MALRD1: variants seen among roughly 807,000 people sequenced by gnomAD.
MALRD1 encodes MAM and LDL receptor class A domain containing 1, also known as MAM and LDL-receptor class A domain-containing protein 1.
A neutral mutation model predicts 242.1 loss-of-function variants in MALRD1; 247 were observed. That is an observed-to-expected ratio of 1.02 (90% CI 0.92 to 1.13). MALRD1 has a LOEUF of 1.13. MALRD1 is among the 50% of genes most tolerant of loss of function. MALRD1 has a pLI of 0.00. For synonymous variants in MALRD1, 995 were observed against 866.6 expected (o/e 1.15, Z -2.60); for missense variants, 2,989 against 2,533.1 (o/e 1.18, Z -3.86).
chr10:19,594,282 T>C (rs181498465), intron 33 of MALRD1, among the ~76,000 whole-genome samples: 5 of 152,344 alleles, frequency 3.3e-5, no homozygotes, highest in Admixed American at 2.0e-4. Flanking sequence ...TCAATGATGC[T>C]TTTTAAGAAA....
chr10:19,574,998 G>C (rs1209973766), intron 33 of MALRD1, among the ~76,000 whole-genome samples: 1 of 152,218 alleles, frequency 6.6e-6, no homozygotes, highest in East Asian at 1.9e-4. Context: ...CCTTGAGTTG[G>C]ATTGGAAAGA....
Position 19,389,506 on chromosome 10 carries a change from A to C in MALRD1, c.4742A>C (p.His1581Pro). 1 of 1,550,588 alleles carries C rather than the reference A, an allele frequency of 6.4e-7. No homozygotes were observed. The highest frequency in any genetic ancestry group is 8.7e-7 in the Non-Finnish European group (1 of 1,146,962). Residue 1581 changes from histidine to proline, a missense_variant, in exon 28 of 40, where the codon CAC becomes CCC. Physicochemically the swap from His to Pro is moderately conservative, Grantham distance 77. Coordinates refer to ENST00000454679, the MANE Select transcript of MALRD1 (RefSeq NM_001142308.3). ...GTGGGCCTTCGGGGTGACAAAGCACACTTCAGGAGTACCATGTGGCGAGAA... is the reference window on the plus strand; with the variant it reads ...GTGGGCCTTCGGGGTGACAAAGCACCCTTCAGGAGTACCATGTGGCGAGAA... ...TAVGLRGDKA[H>P]FRSTMWRESS...
At chr10:19,730,575 A>G (rs1835247406) in intron 38 of MALRD1, 131 bp from the exon 39 acceptor site, 4 of 932,498 alleles carry the variant, frequency 4.3e-6, no homozygotes, top group Non-Finnish European at 6.7e-6. Flanking sequence ...ACTTATGGTA[A>G]TACATTCATG....
At chr10:19,539,925 C>CAG in intron 32 of MALRD1, among the ~76,000 whole-genome samples, 1 of 126,708 alleles carries the variant, frequency 7.9e-6, no homozygotes, top group Non-Finnish European at 1.7e-5. Context: ...CACACACGCG[C>CAG]AGTGATGGGG....
chr10:19,596,835 TGGG>T (rs1188719323), intron 34 of MALRD1, among the ~76,000 whole-genome samples: 1 of 94,004 alleles, frequency 1.1e-5, no homozygotes, highest in African/African-American at 4.2e-5. Context: ...AAGGAGGAAG[TGGG>T]GGAAGGAGGG....
intron 26 of MALRD1, among the ~76,000 whole-genome samples, chr10:19,383,708 CA>C (rs1845934296): frequency 6.6e-6 from 1 of 151,858 alleles, no homozygotes; most frequent in Non-Finnish European, 1.5e-5. Context: ...TTAGGTAAAT[CA>C]TATTTACATG....
At position 19,124,597 on chromosome 10, in the gene MALRD1, G is replaced by C. The variant is rs1837186307; in HGVS notation, c.870G>C (p.Trp290Cys). 14 of 1,233,730 alleles carry C rather than the reference G, an allele frequency of 1.1e-5. No homozygotes were observed. Among genetic ancestry groups the C allele is most frequent in the Non-Finnish European group, 1.4e-5 (14 of 988,112 alleles). 76.4% of individuals were successfully genotyped at this position (1,233,730 alleles called of 1,614,324 possible). A position where few individuals can be genotyped will look rare whatever the true frequency, so the allele number is the denominator to read the frequency against. The change falls in exon 7 of 40, where the codon TGG becomes TGC. Residue 290 changes from tryptophan to cysteine, a missense_variant. Coordinates refer to ENST00000454679, the MANE Select transcript of MALRD1 (RefSeq NM_001142308.3). ...TSEASAGQIS[W>C]MRTKAREIPA... is the part of the protein sequence containing the mutation. Reference sequence around the variant, plus strand: ...AAGCATCTGCTGGCCAAATTTCCTGGATGCGCACAAAAGCGAGAGAGATCC... The same window carrying C: ...AAGCATCTGCTGGCCAAATTTCCTGCATGCGCACAAAAGCGAGAGAGATCC...
intron 30 of MALRD1, among the ~76,000 whole-genome samples, chr10:19,492,486 C>G (rs116471289): frequency 6.6e-6 from 1 of 152,140 alleles, no homozygotes; most frequent in African/African-American, 2.4e-5. Context: ...ACTAGATAAT[C>G]ACATCCAAGA....
chr10:19,685,225 TTTTC>T (rs1842533085), intron 36 of MALRD1, among the ~76,000 whole-genome samples: 1 of 152,176 alleles, frequency 6.6e-6, no homozygotes, highest in African/African-American at 2.4e-5. Flanking sequence ...CTTTAAGAAC[TTTTC>T]TTTATCTTTC....
chr10:19,469,290 T>G (rs1836378886), intron 29 of MALRD1, among the ~76,000 whole-genome samples: 1 of 152,204 alleles, frequency 6.6e-6, no homozygotes, highest in Admixed American at 6.5e-5. Context: ...TGTGTTCTTG[T>G]CGAATTACAT....
At position 19,163,504 on chromosome 10, in the gene MALRD1, G is replaced by C. The variant is rs144821683; in HGVS notation, c.1657-2133G>C. Among the ~76,000 whole-genome samples, 64 of 151,568 alleles carry C rather than the reference G, an allele frequency of 4.2e-4. No homozygotes were observed. The East Asian group carries it at 7.8e-3, about 18-fold the overall frequency. On this transcript the variant is annotated intron_variant, in intron 12 of 39. Transcript: ENST00000454679. Reference sequence around the variant, plus strand: ...CAACAGACACGGGGGTCTACTTTAGGGGGGAGGGTGGAGGAGGGAGAGGAG... The same window carrying C: ...CAACAGACACGGGGGTCTACTTTAGCGGGGAGGGTGGAGGAGGGAGAGGAG...
At chr10:19,720,211 T>C (rs1480847251) in intron 38 of MALRD1, among the ~76,000 whole-genome samples, 4 of 152,204 alleles carry the variant, frequency 2.6e-5, no homozygotes, top group African/African-American at 7.2e-5. Context: ...GGCGTTGTTG[T>C]GCTTCAAGAT....
At chr10:19,238,912 C>G (rs964814018) in intron 18 of MALRD1, among the ~76,000 whole-genome samples, 1 of 151,866 alleles carries the variant, frequency 6.6e-6, no homozygotes, top group East Asian at 1.9e-4. Context: ...TTGGTAATAG[C>G]CATTCTAATG....
intron 30 of MALRD1, among the ~76,000 whole-genome samples, chr10:19,495,648 C>G (rs1356116101): frequency 6.6e-5 from 10 of 152,096 alleles, no homozygotes; most frequent in African/African-American, 2.4e-4. Flanking sequence ...ACCAGTGACA[C>G]TGTAAGCAAC....
intron 34 of MALRD1, among the ~76,000 whole-genome samples, chr10:19,605,721 G>A (rs549792616): frequency 3.0e-4 from 46 of 151,892 alleles, no homozygotes; most frequent in African/African-American, 1.1e-3. Flanking sequence ...AGGAATTCTC[G>A]TTTTTATAAA....
intron 13 of MALRD1, among the ~76,000 whole-genome samples, chr10:19,171,764 CAT>C (rs1479633046): frequency 3.8e-5 from 5 of 132,022 alleles, no homozygotes; most frequent in East Asian, 2.3e-4. Context: ...TATATATACA[CAT>C]ATATTGATAT....
chr10:19,216,035 G>C (rs72786585), intron 18 of MALRD1, among the ~76,000 whole-genome samples: 19,455 of 151,198 alleles, frequency 0.13, 1,347 homozygotes, highest in Middle Eastern at 0.19. Context: ...ACATTAGAAA[G>C]GTAGAGTATT....
At chr10:19,533,505 G>A (rs973878747) in intron 32 of MALRD1, among the ~76,000 whole-genome samples, 3 of 152,116 alleles carry the variant, frequency 2.0e-5, no homozygotes, top group Non-Finnish European at 4.4e-5. Flanking sequence ...ATTTATAAAG[G>A]AAATGGGTTT....
intron 38 of MALRD1, among the ~76,000 whole-genome samples, chr10:19,696,263 C>T (rs988793226): frequency 6.6e-6 from 1 of 152,146 alleles, no homozygotes; most frequent in Non-Finnish European, 1.5e-5. Context: ...GTATGGGTTC[C>T]AAGTAAACCA....
Sources: gnomAD v4.1 joint callset for allele counts (sites outside exome capture counted in the v4.1 genomes callset) on GRCh38, gnomAD v4.1.1 for gene constraint, MANE v1.5 for transcripts, NCBI Gene and HGNC (gene_info 2026-07-23, HGNC 2026-07-21) for gene names.